The following BANP variants were observed in gnomAD, a reference collection of about 807,000 sequenced individuals.
BANP encodes the protein BTG3 associated nuclear protein.
Under a neutral mutation model 68.1 loss-of-function variants are expected in BANP, and 11 were observed. That is an observed-to-expected ratio of 0.16 (90% CI 0.10 to 0.27). BANP has a LOEUF of 0.27. BANP is among the 10% of genes least tolerant of loss of function. BANP has a pLI of 1.00. For missense variants in BANP, 504 were observed against 722.7 expected (o/e 0.70, Z 3.47); for synonymous variants, 329 against 303.2 (o/e 1.09, Z -0.88).
intron 7 of BANP, among the ~76,000 whole-genome samples, chr16:88,022,255 G>C (rs2076168928): frequency 6.6e-6 from 1 of 152,160 alleles, no homozygotes; most frequent in African/African-American, 2.4e-5. Flanking sequence ...CCTCTGCTTG[G>C]ACTCTGCATC....
chr16:88,010,499 C>T (rs182122219), intron 6 of BANP, among the ~76,000 whole-genome samples: 57 of 152,368 alleles, frequency 3.7e-4, no homozygotes, highest in Non-Finnish European at 6.2e-4. Context: ...GCTGTGAGAG[C>T]TGTCAGCTGT....
chr16:88,064,284 C>T lies in BANP; in HGVS notation c.1312-983C>T, dbSNP rs932832347. ...ACGGCGGGGCCTGCCTCCGTGGCAG[C>T]GCTCCCAGCACCCTGTGCGTCCCTT... is the stretch of plus-strand genomic sequence containing the variant. On this transcript the variant is annotated intron_variant, in intron 11 of 13. Transcript: ENST00000682872. This position sits in a 1 kb window ranked among gnomAD's most constrained non-coding sequence, Gnocchi z 4.5. 3.9e-5 allele frequency among the ~76,000 whole-genome samples: 6 copies of T among 152,180 alleles called. No individual in the cohort carries two copies. The highest frequency in any genetic ancestry group is 7.3e-5 in the Non-Finnish European group (5 of 68,028).
At chr16:88,021,037 C>T (rs2075939613) in intron 7 of BANP, among the ~76,000 whole-genome samples, 1 of 152,202 alleles carries the variant, frequency 6.6e-6, no homozygotes, top group Non-Finnish European at 1.5e-5. Flanking sequence ...ATGAGTTGAC[C>T]TTCTCTGCTG....
At chr16:87,960,065 G>A (rs1460055800) in intron 1 of BANP, 1 of 152,500 alleles carries the variant, frequency 6.6e-6, no homozygotes, top group Admixed American at 6.5e-5. Context: ...CCCCACCCTG[G>A]GAGACAGTCC....
Position 88,002,024 on chromosome 16 carries a change from G to A in BANP, c.363-2271G>A, listed in dbSNP as rs2069547248. On this transcript the variant is annotated intron_variant, in intron 4 of 13. Coordinates refer to ENST00000682872, the MANE Select transcript of BANP (RefSeq NM_001386991.1). The surrounding 1 kb of genome is among the most constrained non-coding windows in gnomAD (Gnocchi z 4.6). ...AGAACGTGAATATGTCACCCACTTA[G>A]AACTAATTCTTGATAATAAAATACT... Among the ~76,000 whole-genome samples, 1 of 152,100 alleles carries A rather than the reference G, an allele frequency of 6.6e-6. No individual in the cohort carries two copies. The highest frequency in any genetic ancestry group is 6.5e-5 in the Admixed American group (1 of 15,274).
chr16:88,028,802 G>A (rs2077508926), intron 8 of BANP, among the ~76,000 whole-genome samples: 2 of 152,200 alleles, frequency 1.3e-5, no homozygotes, highest in South Asian at 2.1e-4. Context: ...AGCAGAGAGC[G>A]ATGTGAGGAC....
At chr16:88,029,101 G>A (rs2077565705) in intron 8 of BANP, among the ~76,000 whole-genome samples, 2 of 151,970 alleles carry the variant, frequency 1.3e-5, no homozygotes, top group Admixed American at 6.6e-5. Flanking sequence ...GAGGTCAGCA[G>A]TTTGAGACCA....
At chr16:88,010,450 C>T (rs2072721900) in intron 6 of BANP, among the ~76,000 whole-genome samples, 2 of 152,160 alleles carry the variant, frequency 1.3e-5, no homozygotes, top group Non-Finnish European at 2.9e-5. Flanking sequence ...TTGGTGATGC[C>T]AGTGAAGGCT....
chr16:88,033,597 T>C (rs1433572006), intron 9 of BANP, among the ~76,000 whole-genome samples: 1 of 152,164 alleles, frequency 6.6e-6, no homozygotes, highest in East Asian at 1.9e-4. Flanking sequence ...GAAATATTTC[T>C]CAGTTCAGAA....
In BANP at chr16:88,053,923, G is replaced by A. The variant is rs1203821899; in HGVS notation, c.1312-11344G>A. ...CACCACCACCACCACCTCTACCACT[G>A]TCATCTCCATCATCATCACCAACAC... On this transcript the variant is annotated intron_variant, in intron 11 of 13. Transcript: ENST00000682872. Among the ~76,000 whole-genome samples, 5 of 80,308 alleles carry A rather than the reference G, an allele frequency of 6.2e-5. 1 individual carries two copies. The highest frequency in any genetic ancestry group is 3.0e-4 in the East Asian group (1 of 3,368). 52.7% of individuals were successfully genotyped at this position (80,308 alleles called of 152,430 possible).
chr16:88,034,719 T>C (rs1314009047), intron 9 of BANP, among the ~76,000 whole-genome samples: 3 of 152,258 alleles, frequency 2.0e-5, no homozygotes, highest in Admixed American at 6.5e-5. Context: ...TTTTAAAATT[T>C]ACTTGTTTAG....
rs148580303 is a variant in BANP at position 88,034,643 on chromosome 16, C to T, written c.1201-680C>T. Among the ~76,000 whole-genome samples, 985 of 152,212 alleles carry T rather than the reference C, an allele frequency of 6.5e-3. 36 individuals carry two copies. The highest frequency in any genetic ancestry group is 5.4e-3 in the East Asian group (28 of 5,188). On this transcript the variant is annotated intron_variant, in intron 9 of 13. Transcript: ENST00000682872. ...CTCCCAGTATCCCCAGAGAGCTGAACGTATCATTTGAAAAGAGGTGTCATT... is the reference window on the plus strand; with the variant it reads ...CTCCCAGTATCCCCAGAGAGCTGAATGTATCATTTGAAAAGAGGTGTCATT...
rs1232635345 is a variant in BANP at position 88,027,600 on chromosome 16, T to C, written c.1013T>C (p.Val338Ala). The change falls in exon 8 of 14, where the codon GTC becomes GCC. Residue 338 changes from valine (V) to alanine (A), a missense_variant. Val to Ala is a moderately conservative substitution (Grantham distance 64). This residue lies in a region of BANP where 43 missense variants were observed against 197.7 expected (regional missense o/e 0.22). Transcript: ENST00000682872. ...RRKQRGQSLAVKSFSRRTPNS... is the reference protein window; with the variant it reads ...RRKQRGQSLAAKSFSRRTPNS... ...AAGCAGCGGGGCCAGAGCCTGGCGGTCAAGAGCTTCTCGCGGAGAACGCCC... is the reference window on the plus strand; with the variant it reads ...AAGCAGCGGGGCCAGAGCCTGGCGGCCAAGAGCTTCTCGCGGAGAACGCCC... 6.2e-7 allele frequency: 1 copy of C among 1,613,830 alleles called. No homozygotes were observed. Among genetic ancestry groups the C allele is most frequent in the South Asian group, 1.1e-5 (1 of 91,076 alleles).
At chr16:87,971,015 T>TTA (rs2061007626) in intron 1 of BANP, among the ~76,000 whole-genome samples, 2 of 44,714 alleles carry the variant, frequency 4.5e-5, no homozygotes, top group Non-Finnish European at 9.0e-5. Context: ...AGACTGCATC[T>TTA]CAAAAAAAAA....
intron 7 of BANP, among the ~76,000 whole-genome samples, chr16:88,020,690 G>A: frequency 6.6e-6 from 1 of 152,324 alleles, no homozygotes; most frequent in Middle Eastern, 3.4e-3. Context: ...GGCATTCGGG[G>A]CTGGGCCCTG....
intron 5 of BANP, 106 bp from the exon 6 acceptor site, chr16:88,005,984 C>A: frequency 1.5e-6 from 2 of 1,350,396 alleles, no homozygotes; most frequent in Non-Finnish European, 2.1e-6. Flanking sequence ...CTGTGTGATC[C>A]ACTGGTCCAC....
chr16:88,011,518 A>G (rs2073119115), intron 6 of BANP, among the ~76,000 whole-genome samples: 1 of 152,228 alleles, frequency 6.6e-6, no homozygotes, highest in African/African-American at 2.4e-5. Context: ...AACCTTTACA[A>G]TAGAATCGTT....
At chr16:88,051,013 A>G (rs1459616580) in intron 11 of BANP, among the ~76,000 whole-genome samples, 1 of 152,186 alleles carries the variant, frequency 6.6e-6, no homozygotes, top group East Asian at 1.9e-4. Context: ...GCTTGCTGGT[A>G]GGTTGCAGAG....
intron 4 of BANP, among the ~76,000 whole-genome samples, chr16:87,991,503 A>G (rs943202685): frequency 3.9e-5 from 6 of 152,258 alleles, no homozygotes; most frequent in African/African-American, 1.4e-4. Context: ...CCAACTTAAC[A>G]GTATTGAGTA....
Sources: gnomAD v4.1 joint callset for allele counts (sites outside exome capture counted in the v4.1 genomes callset) on GRCh38, gnomAD v4.1.1 for gene constraint, gnomAD v4.1.1 regional missense constraint, Gnocchi (gnomAD v3.1) non-coding constraint, MANE v1.5 for transcripts, NCBI Gene and HGNC (gene_info 2026-07-23, HGNC 2026-07-21) for gene names.